Variants in DPYD observed in about 807,000 individuals in gnomAD.
DPYD encodes the protein dihydropyrimidine dehydrogenase [NADP(+)].
DPYD carries 109 observed loss-of-function variants against 116.2 expected under a neutral mutation model. That is an observed-to-expected ratio of 0.94 (90% CI 0.80 to 1.10). DPYD has a LOEUF of 1.10. DPYD is among the 50% of genes least tolerant of loss of function. DPYD has a pLI of 0.00. For synonymous variants in DPYD, 440 were observed against 432.0 expected (o/e 1.02, Z -0.23); for missense variants, 1,302 against 1,254.5 (o/e 1.04, Z -0.57).
chr1:97,229,546 G>GTATA (rs55638142), intron 19 of DPYD, among the ~76,000 whole-genome samples: 1,866 of 57,402 alleles, frequency 0.033, 131 homozygotes, highest in Non-Finnish European at 0.05. Context: ...ACCATCCTAA[G>GTATA]TATATATATA....
intron 4 of DPYD, among the ~76,000 whole-genome samples, chr1:97,739,434 G>T (rs569517770): frequency 2.6e-5 from 4 of 152,072 alleles, no homozygotes; most frequent in African/African-American, 7.2e-5. Flanking sequence ...TAATAAATCT[G>T]ACAATGCAGA....
intron 12 of DPYD, among the ~76,000 whole-genome samples, chr1:97,530,204 CTTT>C (rs60749588): frequency 7.4e-6 from 1 of 135,908 alleles, no homozygotes; most frequent in African/African-American, 2.7e-5. Context: ...ATCAGAATTT[CTTT>C]TTTTTTCTTT....
intron 8 of DPYD, among the ~76,000 whole-genome samples, chr1:97,612,832 T>C (rs1656031926): frequency 6.6e-6 from 1 of 152,040 alleles, no homozygotes; most frequent in African/African-American, 2.4e-5. Context: ...AGTTGTCATT[T>C]ACCTGAGGCT....
chr1:97,459,838 G>A (rs1314148104), intron 13 of DPYD, among the ~76,000 whole-genome samples: 1 of 151,976 alleles, frequency 6.6e-6, no homozygotes, highest in African/African-American at 2.4e-5. Flanking sequence ...AAAATATAAA[G>A]GTGTGATTAT....
intron 2 of DPYD, among the ~76,000 whole-genome samples, chr1:97,881,260 T>C (rs1160421734): frequency 1.3e-5 from 2 of 151,958 alleles, no homozygotes; most frequent in Admixed American, 1.3e-4. Context: ...ATGTCCTTAT[T>C]TGGACACACG....
At chr1:97,600,070 CA>C (rs1655155914) in intron 8 of DPYD, among the ~76,000 whole-genome samples, 1 of 151,112 alleles carries the variant, frequency 6.6e-6, no homozygotes, top group Admixed American at 6.6e-5. Context: ...AAAACAAAAA[CA>C]AATGGACAAT....
intron 5 of DPYD, among the ~76,000 whole-genome samples, chr1:97,712,865 C>A (rs1662370472): frequency 6.6e-6 from 1 of 152,036 alleles, no homozygotes; most frequent in African/African-American, 2.4e-5. Context: ...AGCAGTTGCA[C>A]CTATTTTTTA....
intron 16 of DPYD, among the ~76,000 whole-genome samples, chr1:97,310,247 T>A (rs1326800256): frequency 6.6e-6 from 1 of 151,790 alleles, no homozygotes; most frequent in South Asian, 2.1e-4. Context: ...AAGAGGTGGC[T>A]AGAATTTTCA....
At chr1:97,710,066 T>A (rs1251507867) in intron 5 of DPYD, among the ~76,000 whole-genome samples, 1 of 151,866 alleles carries the variant, frequency 6.6e-6, no homozygotes. Flanking sequence ...GATTTCATTA[T>A]CAAATAAAAA....
At chr1:97,309,713 G>A (rs1454130671) in intron 16 of DPYD, among the ~76,000 whole-genome samples, 1 of 151,600 alleles carries the variant, frequency 6.6e-6, no homozygotes, top group Non-Finnish European at 1.5e-5. Flanking sequence ...ATCAAACAAC[G>A]GTGACAACAC....
intron 20 of DPYD, among the ~76,000 whole-genome samples, chr1:97,108,114 C>G (rs1651305807): frequency 6.6e-6 from 1 of 152,022 alleles, no homozygotes; most frequent in Non-Finnish European, 1.5e-5. Flanking sequence ...GATTAGCAGC[C>G]AAATGTGAAT....
intron 16 of DPYD, among the ~76,000 whole-genome samples, chr1:97,330,708 T>C (rs999532029): frequency 3.9e-5 from 6 of 152,184 alleles, no homozygotes; most frequent in African/African-American, 1.4e-4. Flanking sequence ...GATAACCTTT[T>C]GGGAAAGTCA....
chr1:97,778,938 C>T (rs542710414), intron 3 of DPYD, among the ~76,000 whole-genome samples: 1 of 152,208 alleles, frequency 6.6e-6, no homozygotes, highest in South Asian at 2.1e-4. Flanking sequence ...TTGAAACATA[C>T]TGCCACCTTA....
rs1661005791 is a variant in DPYD, at chr1:97,691,497, C to T, written c.762+220G>A. The T allele has an allele frequency of 1.2e-5, 6 of 484,216 alleles. No individual in the cohort carries two copies. In the East Asian group the frequency reaches 2.2e-4, roughly 18 times the overall value. 30.0% of individuals were successfully genotyped at this position (484,216 alleles called of 1,614,324 possible). A position where few individuals can be genotyped will look rare whatever the true frequency, so the allele number is the denominator to read the frequency against. On this transcript the variant is annotated intron_variant, in intron 7 of 22. Coordinates refer to ENST00000370192, the MANE Select transcript of DPYD (RefSeq NM_000110.4). Reference sequence around the variant, plus strand: ...TTACAGACAATTAATCACATGCAGGCATGCCAGATGAGAACTATTGATTGC... The same window carrying T: ...TTACAGACAATTAATCACATGCAGGTATGCCAGATGAGAACTATTGATTGC...
At chr1:97,687,293 C>T (rs1394955385) in intron 7 of DPYD, among the ~76,000 whole-genome samples, 3 of 151,846 alleles carry the variant, frequency 2.0e-5, no homozygotes, top group Non-Finnish European at 4.4e-5. Flanking sequence ...AACAAACAAA[C>T]AAACAAAAAA....
At chr1:97,295,677 C>A (rs956272195) in intron 18 of DPYD, 10 of 765,336 alleles carry the variant, frequency 1.3e-5, no homozygotes, top group Non-Finnish European at 1.6e-5. Context: ...GCAATCTGCC[C>A]GCCGCAGCTT....
Position 97,569,669 on chromosome 1 carries a change from T to C in DPYD, c.1339+4091A>G, listed in dbSNP as rs199748162. Among the ~76,000 whole-genome samples, 15 of 151,890 alleles carry C rather than the reference T, an allele frequency of 9.9e-5. No individual in the cohort carries two copies. In the East Asian group the frequency reaches 2.7e-3, roughly 27 times the overall value. ...CTTAGAGGGAATAGAGGAGACTTTT[T>C]AAAAGTAGAACCATTTTGAGTTTTT... On this transcript the variant is annotated intron_variant, in intron 11 of 22. Transcript: ENST00000370192.
chr1:97,106,725 A>G (rs546187026), intron 20 of DPYD, among the ~76,000 whole-genome samples: 2 of 152,122 alleles, frequency 1.3e-5, no homozygotes, highest in Non-Finnish European at 2.9e-5. Context: ...GAATTACACT[A>G]CAAGCTTTCC....
At chr1:97,903,436 C>T (rs928646759) in intron 1 of DPYD, among the ~76,000 whole-genome samples, 1 of 151,686 alleles carries the variant, frequency 6.6e-6, no homozygotes, top group African/African-American at 2.4e-5. Flanking sequence ...ATTTATGGAT[C>T]AGTTCTGTCT....
Sources: allele counts gnomAD v4.1 joint callset (sites outside exome capture counted in the v4.1 genomes callset), GRCh38; gene constraint gnomAD v4.1.1; transcripts MANE v1.5; gene names NCBI Gene and HGNC (gene_info 2026-07-23, HGNC 2026-07-21).